The following DOK5 variants were observed in gnomAD, a reference collection of about 807,000 sequenced individuals.
DOK5 encodes the protein docking protein 5, also known as downstream of tyrosine kinase 5.
Under a neutral mutation model 43.3 loss-of-function variants are expected in DOK5, and 27 were observed. The observed-to-expected ratio is 0.62, with a 90% CI of 0.46 to 0.86. DOK5 has a LOEUF of 0.86. DOK5 is among the 40% of genes least tolerant of loss of function. The pLI, the probability that DOK5 is intolerant of heterozygous loss-of-function variation, is 0.00. For missense variants in DOK5, 373 were observed against 392.9 expected (o/e 0.95, Z 0.43); for synonymous variants, 146 against 140.1 (o/e 1.04, Z -0.30).
chr20:54,506,022 A>G (rs538499946), intron 1 of DOK5, among the ~76,000 whole-genome samples: 1 of 152,168 alleles, frequency 6.6e-6, no homozygotes, highest in African/African-American at 2.4e-5. Context: ...ATTGCATTTT[A>G]AAAACATCAC....
At position 54,589,760 on chromosome 20, in the gene DOK5, C is replaced by T. The variant is rs1985924760; in HGVS notation, c.409+954C>T. Among the ~76,000 whole-genome samples, 3 of 152,160 alleles carry T rather than the reference C, an allele frequency of 2.0e-5. No individual in the cohort carries two copies. The South Asian group carries it at 6.2e-4, about 32-fold the overall frequency. On this transcript the variant is annotated intron_variant, in intron 4 of 7. Transcript: ENST00000262593. ...TGTTAGTAAAAAAAATGCTGTCCCT[C>T]CCAATTGGAACTATGTCTTCATGAC...
intron 6 of DOK5, among the ~76,000 whole-genome samples, chr20:54,630,882 C>T (rs6091939): frequency 0.12 from 18,338 of 151,832 alleles, 1,794 homozygotes; most frequent in African/African-American, 0.27. Context: ...ATTTAAAAAC[C>T]GGTTATCAGA....
At position 54,650,610 on chromosome 20, in the gene DOK5, C is replaced by T. The variant is rs933633017; in HGVS notation, c.*131C>T. The T allele has an allele frequency of 9.6e-6, 7 of 728,816 alleles. No homozygotes were observed. The highest frequency in any genetic ancestry group is 8.9e-5 in the Admixed American group (3 of 33,544). The allele number at this position is 728,816 out of a possible 1,614,324, so 45.1% of individuals were successfully genotyped here. A position where few individuals can be genotyped will look rare whatever the true frequency, so the allele number is the denominator to read the frequency against. On this transcript the variant is annotated 3_prime_UTR_variant, in exon 8 of 8. Coordinates refer to ENST00000262593, the MANE Select transcript of DOK5 (RefSeq NM_018431.5). ...TTAAAGTCCTGGCTAATTGTGTGGT[C>T]ATTGGAAAACTCTGCAATACAATAA...
At chr20:54,486,353 T>G (rs971651134) in intron 1 of DOK5, among the ~76,000 whole-genome samples, 4 of 150,742 alleles carry the variant, frequency 2.7e-5, no homozygotes, top group African/African-American at 7.5e-5. Flanking sequence ...TATATATGTC[T>G]GTATTTGTAT....
At chr20:54,525,764 A>C (rs7266661) in intron 1 of DOK5, among the ~76,000 whole-genome samples, 1 of 152,194 alleles carries the variant, frequency 6.6e-6, no homozygotes, top group African/African-American at 2.4e-5. Context: ...TTTTACGATG[A>C]AAAAATTTTT....
chr20:54,516,639 G>T (rs1174361003), intron 1 of DOK5, among the ~76,000 whole-genome samples: 1 of 152,062 alleles, frequency 6.6e-6, no homozygotes, highest in Non-Finnish European at 1.5e-5. Flanking sequence ...ATCCAACTCT[G>T]ACAGTTTGAC....
At chr20:54,593,613 G>T (rs1986046188) in intron 5 of DOK5, among the ~76,000 whole-genome samples, 1 of 152,166 alleles carries the variant, frequency 6.6e-6, no homozygotes, top group Non-Finnish European at 1.5e-5. Context: ...GATTGCTTGA[G>T]CCCAGGAATT....
chr20:54,629,420 G>C (rs1978461162), intron 6 of DOK5, among the ~76,000 whole-genome samples: 1 of 152,148 alleles, frequency 6.6e-6, no homozygotes, highest in Non-Finnish European at 1.5e-5. Context: ...CAGTGCAAAA[G>C]AACATACTCT....
In DOK5 at chr20:54,632,899, A is replaced by T. The variant is rs564495919; in HGVS notation, c.736-10559A>T. Among the ~76,000 whole-genome samples, 33 of 152,234 alleles carry T rather than the reference A, an allele frequency of 2.2e-4. 1 individual carries two copies. Among genetic ancestry groups the T allele is most frequent in the Non-Finnish European group, 4.4e-4 (30 of 68,008 alleles). On this transcript the variant is annotated intron_variant, in intron 6 of 7. Coordinates refer to ENST00000262593, the MANE Select transcript of DOK5 (RefSeq NM_018431.5). ...TGAGACCAGCCTGGCCAACATGGTA[A>T]AACCTCATCTCCACTAAAAATACAG...
intron 1 of DOK5, among the ~76,000 whole-genome samples, chr20:54,505,353 C>G (rs954917681): frequency 6.6e-6 from 1 of 152,076 alleles, no homozygotes; most frequent in Non-Finnish European, 1.5e-5. Context: ...GCAAGTTGAG[C>G]AGTTGTGGCA....
At chr20:54,496,222 G>C (rs116016279) in intron 1 of DOK5, among the ~76,000 whole-genome samples, 1 of 152,144 alleles carries the variant, frequency 6.6e-6, no homozygotes, top group African/African-American at 2.4e-5. Flanking sequence ...TAGGGAATTC[G>C]ATCTTGATTT....
chr20:54,529,534 G>C (rs1219277127), intron 1 of DOK5, among the ~76,000 whole-genome samples: 2 of 138,994 alleles, frequency 1.4e-5, no homozygotes, highest in East Asian at 3.9e-4. Flanking sequence ...AGTTTATAAG[G>C]GTGACTTTAA....
chr20:54,496,308 G>T (rs1305818306), intron 1 of DOK5, among the ~76,000 whole-genome samples: 1 of 152,152 alleles, frequency 6.6e-6, no homozygotes, highest in Non-Finnish European at 1.5e-5. Flanking sequence ...GCTGAGAAAG[G>T]CACTGGCATA....
At chr20:54,476,600 C>T (rs1174841709) in intron 1 of DOK5, among the ~76,000 whole-genome samples, 3 of 152,044 alleles carry the variant, frequency 2.0e-5, no homozygotes, top group Non-Finnish European at 4.4e-5. Flanking sequence ...CTGGATTTTC[C>T]GTGGTTCGAA....
At chr20:54,630,838 G>A (rs140033741) in intron 6 of DOK5, among the ~76,000 whole-genome samples, 43 of 152,230 alleles carry the variant, frequency 2.8e-4, no homozygotes, top group Non-Finnish European at 4.1e-4. Context: ...AAAATCTATT[G>A]TAATATGCAA....
intron 1 of DOK5, among the ~76,000 whole-genome samples, chr20:54,487,844 G>A (rs1395100295): frequency 6.6e-6 from 1 of 152,074 alleles, no homozygotes; most frequent in Non-Finnish European, 1.5e-5. Context: ...TCATTCGGAT[G>A]TACAATGGAT....
At chr20:54,553,162 C>T (rs1984585284) in intron 1 of DOK5, among the ~76,000 whole-genome samples, 1 of 151,866 alleles carries the variant, frequency 6.6e-6, no homozygotes, top group South Asian at 2.1e-4. Flanking sequence ...ATATGGAATT[C>T]ATTTTGTTTT....
chr20:54,500,781 G>A (rs537446458), intron 1 of DOK5, among the ~76,000 whole-genome samples: 57 of 152,012 alleles, frequency 3.7e-4, no homozygotes, highest in African/African-American at 1.3e-3. Context: ...GGCTGGTCTC[G>A]AACTCCCAAC....
intron 2 of DOK5, among the ~76,000 whole-genome samples, chr20:54,573,683 T>C (rs1197642194): frequency 2.0e-5 from 2 of 99,384 alleles, no homozygotes; most frequent in East Asian, 5.7e-4. Flanking sequence ...GGAGACTCCA[T>C]CTCAAAAAAA....
Sources: gnomAD v4.1 joint callset for allele counts (sites outside exome capture counted in the v4.1 genomes callset) on GRCh38, gnomAD v4.1.1 for gene constraint, MANE v1.5 for transcripts, NCBI Gene and HGNC (gene_info 2026-07-23, HGNC 2026-07-21) for gene names.